The following RAP1GAP2 variants were observed in gnomAD, a reference collection of about 807,000 sequenced individuals.
RAP1GAP2 encodes the protein RAP1 GTPase activating protein 2, also known as rap1 GTPase-activating protein 2.
A neutral mutation model predicts 95.0 loss-of-function variants in RAP1GAP2; 27 were observed. The observed-to-expected ratio is 0.28, with a 90% CI of 0.21 to 0.39. The LOEUF is 0.39. RAP1GAP2 is among the 10% of genes least tolerant of loss of function. The pLI, the probability that RAP1GAP2 is intolerant of heterozygous loss-of-function variation, is 1.00. For missense variants in RAP1GAP2, 771 were observed against 970.0 expected (o/e 0.79, Z 2.72); for synonymous variants, 373 against 380.9 (o/e 0.98, Z 0.24).
chr17:2,889,891 T>TATATATATATATA (rs1490272485), intron 2 of RAP1GAP2, among the ~76,000 whole-genome samples: 3 of 46,700 alleles, frequency 6.4e-5, no homozygotes, highest in Non-Finnish European at 1.2e-4. Context: ...ATATATATAT[T>TATATATATATATA]TTTTTTTTTT....
At chr17:2,873,131 C>T (rs2072917988) in intron 2 of RAP1GAP2, among the ~76,000 whole-genome samples, 1 of 148,052 alleles carries the variant, frequency 6.8e-6, no homozygotes, top group Non-Finnish European at 1.5e-5. Flanking sequence ...AATAGTACTT[C>T]ATCTTTGTGT....
chr17:2,943,437 CT>C (rs1597677713), intron 3 of RAP1GAP2, among the ~76,000 whole-genome samples: 1 of 152,200 alleles, frequency 6.6e-6, no homozygotes, highest in East Asian at 1.9e-4. Context: ...CTTTGGGAGG[CT>C]GAAGCAGGCA....
chr17:2,771,049 AAAACAAACAAAC>A (rs146760366), intron 2 of RAP1GAP2, among the ~76,000 whole-genome samples: 1 of 151,942 alleles, frequency 6.6e-6, no homozygotes, highest in Non-Finnish European at 1.5e-5. Context: ...TCTGTTTCAA[AAAACAAACAAAC>A]AAACAAACAA....
chr17:2,977,839 A>T (rs888423477), intron 8 of RAP1GAP2, among the ~76,000 whole-genome samples: 1 of 152,000 alleles, frequency 6.6e-6, no homozygotes, highest in African/African-American at 2.4e-5. Flanking sequence ...CTGGCAAGGG[A>T]AGCACAAGAA....
Position 2,963,379 on chromosome 17 carries a change from T to G in RAP1GAP2, c.247-51T>G. 1 of 1,611,710 alleles carries G rather than the reference T, an allele frequency of 6.2e-7. No individual in the cohort carries two copies. Among genetic ancestry groups the G allele is most frequent in the East Asian group, 2.2e-5 (1 of 44,768 alleles). ...CAAGACCTGGAAACAGTGGTCAGAC[T>G]TTACGGGCACTGCCGGGACTAACGG... On this transcript the variant is annotated intron_variant, in intron 5 of 24. Transcript: ENST00000254695. This position sits in a 1 kb window ranked among gnomAD's most constrained non-coding sequence, Gnocchi z 4.8.
chr17:2,875,160 G>A (rs561385231), intron 2 of RAP1GAP2, among the ~76,000 whole-genome samples: 10 of 152,206 alleles, frequency 6.6e-5, no homozygotes, highest in Middle Eastern at 3.4e-3. Flanking sequence ...CCTGCCTCCC[G>A]GGTTCAAGCA....
chr17:2,899,909 C>T (rs554639879), intron 2 of RAP1GAP2, among the ~76,000 whole-genome samples: 78 of 152,166 alleles, frequency 5.1e-4, no homozygotes, highest in Non-Finnish European at 5.1e-4. Context: ...TTTATCTGTT[C>T]GTTGGCGGAT....
At chr17:2,776,479 G>A (rs558278251), upstream of RAP1GAP2, among the ~76,000 whole-genome samples, 1,396 of 152,240 alleles carry the variant, frequency 9.2e-3, 19 homozygotes, top group African/African-American at 0.031. Flanking sequence ...TTCCGGAGGA[G>A]CCGCCTTGGG....
rs569026014 is a variant in RAP1GAP2 at position 2,827,826 on chromosome 17, C to T, written c.80+27276C>T. Among the ~76,000 whole-genome samples the T allele has an allele frequency of 1.5e-4, 22 of 143,534 alleles. No individual in the cohort carries two copies. The highest frequency in any genetic ancestry group is 5.6e-4 in the African/African-American group (21 of 37,192). 94.2% of individuals were successfully genotyped at this position (143,534 alleles called of 152,430 possible). ...CTTCCTATTAGAAAAAAAAAAAATC[C>T]CCTTGAAAAACAAGGGGGAGGGTTC... On this transcript the variant is annotated intron_variant, in intron 2 of 24. Coordinates refer to ENST00000254695, the MANE Select transcript of RAP1GAP2 (RefSeq NM_015085.5). The surrounding 1 kb of genome is among the most constrained non-coding windows in gnomAD (Gnocchi z 4.1).
chr17:2,892,194 T>C (rs1449971254), intron 2 of RAP1GAP2, among the ~76,000 whole-genome samples: 1 of 152,172 alleles, frequency 6.6e-6, no homozygotes, highest in Admixed American at 6.6e-5. Context: ...ATTTTTCATT[T>C]GCCCAGGTGT....
intron 12 of RAP1GAP2, among the ~76,000 whole-genome samples, chr17:2,993,553 A>G (rs1292896462): frequency 2.0e-5 from 3 of 151,600 alleles, no homozygotes; most frequent in African/African-American, 7.3e-5. Context: ...AGCCTGGGTA[A>G]CAGAGTGAGA....
chr17:2,954,569 C>CTTATTTAT lies in RAP1GAP2; in HGVS notation c.166-3167_166-3160dup, dbSNP rs142139752. Among the ~76,000 whole-genome samples, 331 of 150,798 alleles carry CTTATTTAT rather than the reference C, an allele frequency of 2.2e-3. 1 individual carries two copies. Among genetic ancestry groups the CTTATTTAT allele is most frequent in the Middle Eastern group, 0.02 (6 of 294 alleles). Reference sequence around the variant, plus strand: ...CATCCATTTGGTTCACATATCAGTACTTATTTATTTATTTATTTATTTATT... The same window carrying CTTATTTAT: ...CATCCATTTGGTTCACATATCAGTACTTATTTATTTATTTATTTATTTATTTATTTATT... On this transcript the variant is annotated intron_variant, in intron 3 of 24. Coordinates refer to ENST00000254695, the MANE Select transcript of RAP1GAP2 (RefSeq NM_015085.5).
At chr17:3,026,207 C>T in intron 20 of RAP1GAP2, 86 bp downstream of exon 20, 1 of 1,307,748 alleles carries the variant, frequency 7.6e-7, no homozygotes, top group Non-Finnish European at 1.1e-6. Context: ...CTGAGAGTGG[C>T]CATCTCCTGC....
intron 3 of RAP1GAP2, among the ~76,000 whole-genome samples, chr17:2,917,259 ACTT>A (rs1324363411): frequency 2.4e-4 from 35 of 148,598 alleles, no homozygotes; most frequent in South Asian, 2.1e-4. Flanking sequence ...AGGCTTCCCC[ACTT>A]CTTCTTCTTT....
chr17:2,812,185 G>T (rs1223614168), intron 2 of RAP1GAP2, among the ~76,000 whole-genome samples: 1 of 152,114 alleles, frequency 6.6e-6, no homozygotes, highest in East Asian at 1.9e-4. Flanking sequence ...CCTCTCCCCA[G>T]GTCATCCCCA....
intron 19 of RAP1GAP2, among the ~76,000 whole-genome samples, chr17:3,025,538 C>A (rs1048127880): frequency 6.6e-6 from 1 of 152,212 alleles, no homozygotes; most frequent in East Asian, 1.9e-4. Flanking sequence ...TCATGTGGGA[C>A]CAGGAGCTCG....
chr17:2,770,846 G>T (rs143390059), intron 2 of RAP1GAP2, among the ~76,000 whole-genome samples: 6,110 of 152,100 alleles, frequency 0.04, 205 homozygotes, highest in South Asian at 0.15. Context: ...TTCAAGAGCA[G>T]CCTGGCCAAC....
intron 1 of RAP1GAP2, among the ~76,000 whole-genome samples, chr17:2,778,611 G>A (rs1597289079): frequency 6.6e-6 from 1 of 152,122 alleles, no homozygotes; most frequent in Non-Finnish European, 1.5e-5. Flanking sequence ...ACCCTGGCAT[G>A]GATGGGGGTG....
intron 2 of RAP1GAP2, among the ~76,000 whole-genome samples, chr17:2,813,062 C>A (rs1287267390): frequency 6.6e-6 from 1 of 151,460 alleles, no homozygotes; most frequent in African/African-American, 2.4e-5. Flanking sequence ...GAGGGTAGAA[C>A]CCAGCATCAG....
Sources: gnomAD v4.1 joint callset for allele counts (sites outside exome capture counted in the v4.1 genomes callset) on GRCh38, gnomAD v4.1.1 for gene constraint, Gnocchi (gnomAD v3.1) non-coding constraint, MANE v1.5 for transcripts, NCBI Gene and HGNC (gene_info 2026-07-23, HGNC 2026-07-21) for gene names.